The following FBXO11 variants were observed in gnomAD, a reference collection of about 807,000 sequenced individuals.
The protein encoded by FBXO11 is F-box only protein 11.
Under a neutral mutation model 117.0 loss-of-function variants are expected in FBXO11, and 13 were observed. The observed-to-expected ratio is 0.11, with a 90% CI of 0.07 to 0.18. The LOEUF (loss-of-function observed/expected upper bound fraction) is 0.18. Ranked by LOEUF, FBXO11 falls within the 10% of genes least tolerant of loss-of-function variation. The pLI is 1.00. For synonymous variants in FBXO11, 490 were observed against 380.5 expected, an observed-to-expected ratio of 1.29 and a Z score of -3.35; for missense variants, 767 against 1,164.4, an observed-to-expected ratio of 0.66 and a Z score of 4.97.
intron 18 of FBXO11, among the ~76,000 whole-genome samples, chr2:47,812,496 C>CT (rs1260328354): frequency 1.3e-5 from 2 of 152,178 alleles, no homozygotes; most frequent in African/African-American, 4.8e-5. Context: ...TGAAAACTAT[C>CT]TGAGATACGT....
intron 1 of FBXO11, among the ~76,000 whole-genome samples, chr2:47,853,585 T>C (rs550936393): frequency 5.3e-5 from 8 of 152,306 alleles, no homozygotes; most frequent in Admixed American, 3.9e-4. Context: ...CCTGGCTTAG[T>C]AGCCACCCTG....
At chr2:47,837,275 C>T (rs779224184) in intron 4 of FBXO11, among the ~76,000 whole-genome samples, 3 of 152,166 alleles carry the variant, frequency 2.0e-5, no homozygotes, top group Non-Finnish European at 4.4e-5. Context: ...GCCTGTAATC[C>T]CAGCACTTTG....
chr2:47,888,043 G>C (rs1165487082), intron 1 of FBXO11, among the ~76,000 whole-genome samples: 13 of 151,444 alleles, frequency 8.6e-5, no homozygotes, highest in Admixed American at 7.9e-4. Context: ...AAAAATGAAA[G>C]ATATATATAT....
chr2:47,816,650 G>A (rs1225906776), intron 16 of FBXO11, among the ~76,000 whole-genome samples: 2 of 150,590 alleles, frequency 1.3e-5, no homozygotes, highest in African/African-American at 2.4e-5. Context: ...CCTTGATCCA[G>A]ACTGTGGGAT....
intron 11 of FBXO11, among the ~76,000 whole-genome samples, chr2:47,824,586 C>G (rs543262622): frequency 6.6e-6 from 1 of 152,076 alleles, no homozygotes; most frequent in Admixed American, 6.5e-5. Flanking sequence ...TGGCTAAATA[C>G]AATGTTTTTG....
chr2:47,832,551 C>A (rs375388119), intron 10 of FBXO11, 21 bp downstream of exon 10: 171 of 1,606,714 alleles, frequency 1.1e-4, no homozygotes, highest in African/African-American at 2.2e-4. Flanking sequence ...AAGAAAAAAA[C>A]CACACAAAAT....
At chr2:47,837,516 A>G (rs984477348) in intron 4 of FBXO11, among the ~76,000 whole-genome samples, 13 of 152,316 alleles carry the variant, frequency 8.5e-5, no homozygotes, top group Non-Finnish European at 1.6e-4. Context: ...AACAAGAACG[A>G]AACTCCGTCA....
intron 1 of FBXO11, among the ~76,000 whole-genome samples, chr2:47,864,023 G>C (rs1283093899): frequency 6.6e-6 from 1 of 151,892 alleles, no homozygotes; most frequent in African/African-American, 2.4e-5. Flanking sequence ...TGAACAAAAT[G>C]GTAGTCAAGT....
At chr2:47,836,601 C>A (rs937468176) in intron 4 of FBXO11, among the ~76,000 whole-genome samples, 1 of 151,996 alleles carries the variant, frequency 6.6e-6, no homozygotes, top group African/African-American at 2.4e-5. Flanking sequence ...CAGGCGTGAG[C>A]CACCATGCCT....
intron 19 of FBXO11, 83 bp downstream of exon 19, chr2:47,810,232 TA>T: frequency 1.1e-6 from 1 of 877,706 alleles, no homozygotes; most frequent in Non-Finnish European, 1.7e-6. Flanking sequence ...TTTTAGTTAA[TA>T]AGCAAAACAA....
chr2:47,860,018 T>C (rs1674628407), intron 1 of FBXO11, among the ~76,000 whole-genome samples: 1 of 152,194 alleles, frequency 6.6e-6, no homozygotes, highest in African/African-American at 2.4e-5. Context: ...TATAAAATCC[T>C]CTCTTCTCTG....
At chr2:47,859,113 T>C (rs1674553913) in intron 1 of FBXO11, among the ~76,000 whole-genome samples, 1 of 151,008 alleles carries the variant, frequency 6.6e-6, no homozygotes, top group South Asian at 2.1e-4. Flanking sequence ...GGAATTCATA[T>C]CAACATTTAC....
chr2:47,862,657 T>A (rs1674867071), intron 1 of FBXO11, among the ~76,000 whole-genome samples: 1 of 152,188 alleles, frequency 6.6e-6, no homozygotes, highest in African/African-American at 2.4e-5. Context: ...ATTCTCTCTC[T>A]GGATCATCTT....
At chr2:47,852,387 C>T (rs980731360) in intron 1 of FBXO11, among the ~76,000 whole-genome samples, 1 of 152,118 alleles carries the variant, frequency 6.6e-6, no homozygotes, top group Admixed American at 6.6e-5. Context: ...CAGTCCCATA[C>T]TTTGACTATA....
intron 1 of FBXO11, among the ~76,000 whole-genome samples, chr2:47,900,741 T>G (rs867540832): frequency 1.8e-5 from 2 of 113,286 alleles, no homozygotes; most frequent in South Asian, 3.1e-4. Flanking sequence ...CGTGTATATA[T>G]ATACACGTAT....
chr2:47,844,887 T>G (rs1673289493), intron 1 of FBXO11, among the ~76,000 whole-genome samples: 1 of 152,222 alleles, frequency 6.6e-6, no homozygotes, highest in African/African-American at 2.4e-5. Flanking sequence ...TCCGCCTAAC[T>G]TGGCCTCCCA....
At chr2:47,810,532 A>G in intron 18 of FBXO11, 106 bp from the exon 19 acceptor site, 1 of 616,488 alleles carries the variant, frequency 1.6e-6, no homozygotes, top group Non-Finnish European at 2.7e-6. Flanking sequence ...ACTGCATGGT[A>G]AAATTCACAG....
At chr2:47,810,746 C>T (rs1464573056) in intron 18 of FBXO11, 6 of 199,768 alleles carry the variant, frequency 3.0e-5, no homozygotes, top group Non-Finnish European at 6.0e-5. Context: ...TGAATTAAAG[C>T]TAATTCCTTT....
At chr2:47,872,276 A>C (rs1675678395) in intron 1 of FBXO11, among the ~76,000 whole-genome samples, 1 of 152,234 alleles carries the variant, frequency 6.6e-6, no homozygotes, top group Non-Finnish European at 1.5e-5. Flanking sequence ...CCTGGCAGTC[A>C]TCAAGGGATG....
Sources: allele counts gnomAD v4.1 joint callset (sites outside exome capture counted in the v4.1 genomes callset), GRCh38; gene constraint gnomAD v4.1.1; transcripts MANE v1.5; gene names NCBI Gene and HGNC (gene_info 2026-07-23, HGNC 2026-07-21).